Variants in ZNF804A observed in about 807,000 individuals in gnomAD.
ZNF804A encodes zinc finger protein 804A.
ZNF804A carries 2 observed loss-of-function variants against 16.5 expected under a neutral mutation model. The observed-to-expected ratio is 0.12, with a 90% CI of 0.05 to 0.38. The LOEUF is 0.38. ZNF804A is among the 10% of genes least tolerant of loss of function. The pLI is 0.99. For synonymous variants in ZNF804A, 534 were observed against 489.6 expected (o/e 1.09, Z -1.20); for missense variants, 1,473 against 1,390.7 (o/e 1.06, Z -0.94).
intron 1 of ZNF804A, among the ~76,000 whole-genome samples, chr2:184,741,386 G>T (rs1693706699): frequency 6.6e-6 from 1 of 152,142 alleles, no homozygotes; most frequent in Non-Finnish European, 1.5e-5. Flanking sequence ...AGTCAGGGTA[G>T]CTGACTTGAG....
intron 2 of ZNF804A, among the ~76,000 whole-genome samples, chr2:184,903,317 G>T (rs185384269): frequency 2.1e-4 from 32 of 152,054 alleles, no homozygotes; most frequent in African/African-American, 7.5e-4. Context: ...ACCCCATAAG[G>T]TTATACTAAC....
chr2:184,854,819 A>G (rs1343814833), intron 1 of ZNF804A, among the ~76,000 whole-genome samples: 4 of 152,070 alleles, frequency 2.6e-5, no homozygotes, highest in African/African-American at 4.8e-5. Context: ...CACTGAAGTA[A>G]ACATATGCTA....
chr2:184,775,460 A>T (rs999651616), intron 1 of ZNF804A, among the ~76,000 whole-genome samples: 1 of 151,688 alleles, frequency 6.6e-6, no homozygotes, highest in African/African-American at 2.4e-5. Context: ...GCTGTCTGCT[A>T]TGAAATTATA....
Position 184,884,197 on chromosome 2 carries a change from T to C in ZNF804A, c.255+17685T>C, listed in dbSNP as rs1027786098. Among the ~76,000 whole-genome samples the C allele has an allele frequency of 1.0e-3, 154 of 152,094 alleles. 2 individuals carry two copies. The highest frequency in any genetic ancestry group is 1.5e-4 in the Non-Finnish European group (10 of 67,974). ...AGCCAAATCATGAACACAACACAGT[T>C]CACAATAGCTACAAAAGGTATAAAA... On this transcript the variant is annotated intron_variant, in intron 2 of 3. Coordinates refer to ENST00000302277, the MANE Select transcript of ZNF804A (RefSeq NM_194250.2).
intron 2 of ZNF804A, among the ~76,000 whole-genome samples, chr2:184,923,330 T>C (rs1685560393): frequency 6.6e-6 from 1 of 152,040 alleles, no homozygotes; most frequent in South Asian, 2.1e-4. Flanking sequence ...ATTACTTTCT[T>C]AATTTCTTTT....
chr2:184,713,645 T>G (rs991636092), intron 1 of ZNF804A, among the ~76,000 whole-genome samples: 1 of 151,902 alleles, frequency 6.6e-6, no homozygotes, highest in Non-Finnish European at 1.5e-5. Flanking sequence ...GGAGAATATT[T>G]TAAGACAAAA....
chr2:184,642,951 T>G (rs1381228688), intron 1 of ZNF804A, among the ~76,000 whole-genome samples: 1 of 152,148 alleles, frequency 6.6e-6, no homozygotes, highest in Non-Finnish European at 1.5e-5. Flanking sequence ...TTAATTGATA[T>G]GAACTTTTCA....
chr2:184,629,478 T>C (rs1385608284), intron 1 of ZNF804A, among the ~76,000 whole-genome samples: 1 of 152,122 alleles, frequency 6.6e-6, no homozygotes, highest in East Asian at 1.9e-4. Context: ...TGTTACAACA[T>C]TGTAATAAAC....
intron 1 of ZNF804A, among the ~76,000 whole-genome samples, chr2:184,682,035 GC>G (rs1291419061): frequency 6.6e-6 from 1 of 152,196 alleles, no homozygotes. Context: ...TGCCGCCTCA[GC>G]CCCCTCTGAA....
chr2:184,854,849 T>C (rs570630384), intron 1 of ZNF804A, among the ~76,000 whole-genome samples: 1 of 152,108 alleles, frequency 6.6e-6, no homozygotes, highest in South Asian at 2.1e-4. Flanking sequence ...ATGCTGATCA[T>C]GAAACAAGCA....
intron 1 of ZNF804A, among the ~76,000 whole-genome samples, chr2:184,856,060 A>C (rs996170727): frequency 2.0e-5 from 3 of 152,098 alleles, no homozygotes; most frequent in Non-Finnish European, 2.9e-5. Flanking sequence ...TAATAGTAAC[A>C]ATCAAAATGC....
At chr2:184,658,533 G>A (rs1208044330) in intron 1 of ZNF804A, among the ~76,000 whole-genome samples, 1 of 151,858 alleles carries the variant, frequency 6.6e-6, no homozygotes. Flanking sequence ...TTTTTTTTCT[G>A]GGGAAGAGTA....
intron 1 of ZNF804A, among the ~76,000 whole-genome samples, chr2:184,779,512 A>G (rs1237084618): frequency 6.6e-6 from 1 of 151,722 alleles, no homozygotes; most frequent in Non-Finnish European, 1.5e-5. Flanking sequence ...GATAGAATTA[A>G]GTTTGCTGGT....
rs1574191004 is a variant in ZNF804A, at chr2:184,743,727, A to T, written c.112-122642A>T. 3.9e-5 allele frequency among the ~76,000 whole-genome samples: 6 copies of T among 152,004 alleles called. No homozygotes were observed. The South Asian group carries it at 1.2e-3, about 32-fold the overall frequency. On this transcript the variant is annotated intron_variant, in intron 1 of 3. Transcript: ENST00000302277. ...ATGGGAGAAATAAGAGACTCCCAAGACTTAAAATATTTAATGGTGGTATAT... is the reference window on the plus strand; with the variant it reads ...ATGGGAGAAATAAGAGACTCCCAAGTCTTAAAATATTTAATGGTGGTATAT...
rs1690995794 is a variant in ZNF804A at position 184,598,838 on chromosome 2, G to T, written c.-122G>T. On this transcript the variant is annotated 5_prime_UTR_variant, in exon 1 of 4. Coordinates refer to ENST00000302277, the MANE Select transcript of ZNF804A (RefSeq NM_194250.2). ...GAGCCAGTCTCCAGAGGACGTGCCGGGGGTGGCTGCGTGCCCTCGTGGCGG... is the reference window on the plus strand; with the variant it reads ...GAGCCAGTCTCCAGAGGACGTGCCGTGGGTGGCTGCGTGCCCTCGTGGCGG... The T allele has an allele frequency of 2.0e-6, 1 of 504,924 alleles. No homozygotes were observed. Among genetic ancestry groups the T allele is most frequent in the East Asian group, 3.7e-5 (1 of 26,888 alleles). 31.3% of individuals were successfully genotyped at this position (504,924 alleles called of 1,614,324 possible).
intron 1 of ZNF804A, among the ~76,000 whole-genome samples, chr2:184,680,897 T>C (rs1182337932): frequency 6.6e-6 from 1 of 152,228 alleles, no homozygotes; most frequent in Non-Finnish European, 1.5e-5. Flanking sequence ...CTGCAGTTGC[T>C]GGCATCTACA....
At chr2:184,720,725 G>A (rs1015538338) in intron 1 of ZNF804A, among the ~76,000 whole-genome samples, 1 of 151,988 alleles carries the variant, frequency 6.6e-6, no homozygotes, top group Non-Finnish European at 1.5e-5. Context: ...TCAAAGTACC[G>A]ATGTCATTTT....
chr2:184,853,821 C>T, intron 1 of ZNF804A, among the ~76,000 whole-genome samples: 1 of 125,468 alleles, frequency 8.0e-6, no homozygotes, highest in South Asian at 2.2e-4. Flanking sequence ...AGGATTTTTC[C>T]ACCAAAAAAA....
chr2:184,851,814 G>T (rs1194832526), intron 1 of ZNF804A, among the ~76,000 whole-genome samples: 1 of 151,724 alleles, frequency 6.6e-6, no homozygotes, highest in African/African-American at 2.4e-5. Context: ...CAGAACACAA[G>T]GGCTCCATTT....
Sources: allele counts gnomAD v4.1 joint callset (sites outside exome capture counted in the v4.1 genomes callset), GRCh38; gene constraint gnomAD v4.1.1; transcripts MANE v1.5; gene names NCBI Gene and HGNC (gene_info 2026-07-23, HGNC 2026-07-21).